KRT7: variants seen among roughly 807,000 people sequenced by gnomAD.
KRT7 encodes the protein keratin 7, also known as keratin, type II cytoskeletal 7.
In KRT7, 50 loss-of-function variants were observed where a neutral mutation model predicts 42.8. The observed-to-expected ratio is 1.17, with a 90% CI of 0.93 to 1.48. The LOEUF (loss-of-function observed/expected upper bound fraction) is 1.48. KRT7 is among the 40% of genes most tolerant of loss of function. KRT7 has a pLI of 0.00. For missense variants in KRT7, 588 were observed against 637.6 expected, an observed-to-expected ratio of 0.92 and a Z score of 0.84; for synonymous variants, 268 against 266.3, an observed-to-expected ratio of 1.01 and a Z score of -0.06.
chr12:52,241,522 C>G lies in KRT7; in HGVS notation c.744C>G (p.Ser248=), dbSNP rs753257328. 6.2e-7 allele frequency: 1 copy of G among 1,613,928 alleles called. No homozygotes were observed. The highest frequency in any genetic ancestry group is 8.5e-7 in the Non-Finnish European group (1 of 1,179,904). Residue 248 remains serine, a synonymous_variant, in exon 5 of 9, where the codon TCC becomes TCG. Coordinates refer to ENST00000331817, the MANE Select transcript of KRT7 (RefSeq NM_005556.4). Reference sequence around the variant, plus strand: ...TCTCCGACACATCTGTGGTGCTGTCCATGGACAACAGTCGCTCCCTGGACC... The same window carrying G: ...TCTCCGACACATCTGTGGTGCTGTCGATGGACAACAGTCGCTCCCTGGACC... ...SQISDTSVVL[S]MDNSRSLDLD...
chr12:52,254,263 C>T (rs761550864), downstream of KRT7: 1 of 904,594 alleles, frequency 1.1e-6, no homozygotes, highest in South Asian at 1.3e-5. Flanking sequence ...CTTTGTGACC[C>T]CGCACCTCCT....
intron 6 of KRT7, 103 bp from the exon 7 acceptor site, chr12:52,245,309 A>G: frequency 8.8e-7 from 1 of 1,138,490 alleles, no homozygotes; most frequent in Non-Finnish European, 1.3e-6. Context: ...AGGTGGTGCC[A>G]ATGAAGCCAC....
intron 3 of KRT7, chr12:52,237,788 C>A: frequency 2.6e-6 from 1 of 388,188 alleles, no homozygotes; most frequent in Non-Finnish European, 4.6e-6. Flanking sequence ...CATTTCTAGG[C>A]CTCTAGGGGT....
intron 6 of KRT7, 137 bp from the exon 7 acceptor site, chr12:52,245,275 G>A (rs1942151162): frequency 1.3e-6 from 1 of 796,870 alleles, no homozygotes; most frequent in Admixed American, 2.6e-5. Flanking sequence ...TTAACCCTTA[G>A]GATTCTCTGG....
chr12:52,243,164 T>C, intron 6 of KRT7, 27 bp downstream of exon 6: 1 of 1,598,138 alleles, frequency 6.3e-7, no homozygotes, highest in Non-Finnish European at 8.5e-7. Flanking sequence ...TGGCTTCCCC[T>C]GCTACTTGGG....
At chr12:52,249,731 A>G (rs1300614521), downstream of KRT7, among the ~76,000 whole-genome samples, 2 of 151,970 alleles carry the variant, frequency 1.3e-5, no homozygotes, top group Non-Finnish European at 2.9e-5. Flanking sequence ...AGCCACAGGG[A>G]GGTCTCTGTG....
At chr12:52,243,657 C>G (rs12230484) in intron 6 of KRT7, 15,464 of 152,642 alleles carry the variant, frequency 0.1, 1,477 homozygotes, top group East Asian at 0.44. Flanking sequence ...TTGCCTCCCC[C>G]TGGAATGTGG....
At chr12:52,245,218 C>A in intron 6 of KRT7, 194 bp from the exon 7 acceptor site, 1 of 607,546 alleles carries the variant, frequency 1.6e-6, no homozygotes, top group Non-Finnish European at 2.9e-6. Context: ...TAGTAAGTGG[C>A]AGAGCCAGAA....
chr12:52,245,413 G>A lies in KRT7; in HGVS notation c.986G>A (p.Arg329His), dbSNP rs749445675. The part of the protein sequence containing the change: ...QAEIDNIKNQ[R>H]AKLEAAIAEA... ...TTACAGCTGCACTGCTGCCCACAGC[G>A]TGCCAAGTTGGAGGCCGCCATTGCC... is the stretch of plus-strand genomic sequence containing the variant. Residue 329 changes from arginine (R) to histidine (H), a missense_variant and splice_region_variant, in exon 7 of 9, where the codon CGT becomes CAT. Physicochemically the swap from Arg to His is conservative, Grantham distance 29. Coordinates refer to ENST00000331817, the MANE Select transcript of KRT7 (RefSeq NM_005556.4). 25 of 1,613,448 alleles carry A rather than the reference G, an allele frequency of 1.5e-5. No individual in the cohort carries two copies. Among genetic ancestry groups the A allele is most frequent in the Middle Eastern group, 1.7e-4 (1 of 5,998 alleles).
chr12:52,248,148 C>T (rs998244486), intron 7 of KRT7, 29 bp from the exon 8 acceptor site: 13 of 1,611,808 alleles, frequency 8.1e-6, no homozygotes, highest in Admixed American at 1.7e-5. Context: ...AGGAAAGAGC[C>T]GTCCTCACTG....
rs775486914 is a variant in KRT7 at position 52,241,620 on chromosome 12, C to T, written c.842C>T (p.Ala281Val). 99 of 1,610,404 alleles carry T rather than the reference C, an allele frequency of 6.1e-5. No individual in the cohort carries two copies. Among genetic ancestry groups the T allele is most frequent in the Non-Finnish European group, 8.1e-5 (96 of 1,177,972 alleles). ...MAKCSRAEAE[A>V]WYQTKFETLQ... ...AAATGCAGCCGGGCTGAGGCTGAAGCCTGGTACCAGACCAAGGTGTGAGGC... is the reference window on the plus strand; with the variant it reads ...AAATGCAGCCGGGCTGAGGCTGAAGTCTGGTACCAGACCAAGGTGTGAGGC... Residue 281 changes from alanine to valine, a missense_variant, in exon 5 of 9, where the codon GCC becomes GTC. By Grantham distance (64) the Ala-to-Val change is moderately conservative. Coordinates refer to ENST00000331817, the MANE Select transcript of KRT7 (RefSeq NM_005556.4).
At chr12:52,251,412 G>A (rs1204022931), downstream of KRT7, among the ~76,000 whole-genome samples, 4 of 152,174 alleles carry the variant, frequency 2.6e-5, no homozygotes, top group South Asian at 2.1e-4. Flanking sequence ...CGAAAATCTC[G>A]TAAGTTTTAA....
intron 7 of KRT7, 87 bp downstream of exon 7, chr12:52,245,719 G>T (rs1453241548): frequency 6.5e-7 from 1 of 1,532,614 alleles, no homozygotes; most frequent in South Asian, 1.2e-5. Context: ...AGCATTTCCT[G>T]TATGCCCCTC....
chr12:52,243,045 G>A lies in KRT7; in HGVS notation c.892G>A (p.Gly298Arg). Residue 298 changes from glycine (G) to arginine (R), a missense_variant, in exon 6 of 9, where the codon GGG becomes AGG. Coordinates refer to ENST00000331817, the MANE Select transcript of KRT7 (RefSeq NM_005556.4). ...CCTCCAGGCCCAGGCTGGGAAGCAT[G>A]GGGACGACCTCCGGAATACCCGGAA... Reference protein sequence around the residue: ...ETLQAQAGKHGDDLRNTRNEI... With the variant: ...ETLQAQAGKHRDDLRNTRNEI... 1 of 1,613,876 alleles carries A rather than the reference G, an allele frequency of 6.2e-7. No homozygotes were observed. The highest frequency in any genetic ancestry group is 8.5e-7 in the Non-Finnish European group (1 of 1,179,878).
downstream of KRT7, chr12:52,253,272 T>C (rs575865136): frequency 6.8e-6 from 11 of 1,611,774 alleles, no homozygotes; most frequent in East Asian, 2.2e-5. Flanking sequence ...TTCAGCTCGT[T>C]GATCTCCTCC....
At chr12:52,245,712 A>G (rs1289988988) in intron 7 of KRT7, 80 bp downstream of exon 7, 1 of 1,551,268 alleles carries the variant, frequency 6.4e-7, no homozygotes, top group Non-Finnish European at 8.8e-7. Flanking sequence ...ATTTACAAGC[A>G]TTTCCTGTAT....
rs777325942 is a variant in KRT7 at position 52,248,591 on chromosome 12, C to T, written c.1241C>T (p.Ser414Phe). The change falls in exon 9 of 9, where the codon TCT (serine) becomes TTT (phenylalanine). Residue 414 changes from serine to phenylalanine, a missense_variant and splice_region_variant. Transcript: ENST00000331817. ...AGAGCCCTCCTCTTTTCTCTCCCAG[C>T]TGTGATGAATTCCACTGGTGGCAGT... ...AGDGVGAVNI[S>F]VMNSTGGSSS... 1.3e-6 allele frequency: 2 copies of T among 1,577,894 alleles called. No individual in the cohort carries two copies. Among genetic ancestry groups the T allele is most frequent in the African/African-American group, 1.4e-5 (1 of 73,680 alleles).
At chr12:52,252,320 C>T (rs201214740), downstream of KRT7, 225 of 1,613,936 alleles carry the variant, frequency 1.4e-4, 1 homozygote, top group Middle Eastern at 1.7e-4. Flanking sequence ...TCCAGGCCAG[C>T]TTGGAGTTCA....
At chr12:52,236,215 C>T (rs1013303069) in intron 2 of KRT7, among the ~76,000 whole-genome samples, 2 of 151,794 alleles carry the variant, frequency 1.3e-5, no homozygotes, top group South Asian at 4.2e-4. Flanking sequence ...CCAACACTCC[C>T]ACTTCCCTAG....
Sources: gnomAD v4.1 joint callset for allele counts (sites outside exome capture counted in the v4.1 genomes callset) on GRCh38, gnomAD v4.1.1 for gene constraint, MANE v1.5 for transcripts, NCBI Gene and HGNC (gene_info 2026-07-23, HGNC 2026-07-21) for gene names.